ASIC2: variants seen among roughly 807,000 people sequenced by gnomAD.
ASIC2 encodes acid-sensing ion channel 2.
Under a neutral mutation model 57.3 loss-of-function variants are expected in ASIC2, and 25 were observed. The ratio of observed to expected loss-of-function variants is 0.44; its 90% CI spans 0.32 to 0.61. The LOEUF (loss-of-function observed/expected upper bound fraction) is 0.61, where lower values mean the gene tolerates loss of function less well. Ranked by LOEUF, ASIC2 falls within the 20% of genes least tolerant of loss-of-function variation. ASIC2 has a pLI of 0.06. For synonymous variants in ASIC2, 319 were observed against 307.5 expected (o/e 1.04, Z -0.39); for missense variants, 641 against 738.1 (o/e 0.87, Z 1.52).
intron 1 of ASIC2, among the ~76,000 whole-genome samples, chr17:33,466,585 A>T (rs1912872480): frequency 6.6e-6 from 1 of 152,332 alleles, no homozygotes; most frequent in East Asian, 1.9e-4. Context: ...ACACTACCTG[A>T]CTTGAAACTA....
intron 1 of ASIC2, among the ~76,000 whole-genome samples, chr17:33,837,581 T>C (rs1913310571): frequency 6.6e-6 from 1 of 152,214 alleles, no homozygotes; most frequent in East Asian, 1.9e-4. Context: ...ACACTCTCTT[T>C]CCTTTCTCCT....
chr17:33,543,352 C>T (rs1284128756), intron 1 of ASIC2, among the ~76,000 whole-genome samples: 4 of 152,204 alleles, frequency 2.6e-5, no homozygotes, highest in Admixed American at 6.5e-5. Flanking sequence ...AGTGCCCAGA[C>T]TCCCAAGTGT....
chr17:33,659,728 C>T (rs796294563), intron 1 of ASIC2, among the ~76,000 whole-genome samples: 9 of 151,796 alleles, frequency 5.9e-5, no homozygotes, highest in African/African-American at 1.4e-4. Context: ...AAAAATTAGC[C>T]GGGCGAGGTG....
At chr17:33,919,114 C>T (rs978796654) in intron 1 of ASIC2, among the ~76,000 whole-genome samples, 17 of 152,044 alleles carry the variant, frequency 1.1e-4, no homozygotes, top group African/African-American at 3.6e-4. Flanking sequence ...CTAGTGCAGG[C>T]GATGGAAGAG....
chr17:33,197,679 T>C (rs1399300338), intron 1 of ASIC2, among the ~76,000 whole-genome samples: 1 of 152,190 alleles, frequency 6.6e-6, no homozygotes, highest in East Asian at 1.9e-4. Context: ...TCCATGTGCA[T>C]GCACAAAAAC....
intron 1 of ASIC2, among the ~76,000 whole-genome samples, chr17:33,590,523 G>A (rs1243701567): frequency 6.6e-6 from 1 of 151,706 alleles, no homozygotes; most frequent in East Asian, 1.9e-4. Flanking sequence ...TTCAATGGCT[G>A]TGTCTCTACA....
chr17:34,151,317 C>A (rs938066454), intron 1 of ASIC2, among the ~76,000 whole-genome samples: 2 of 152,112 alleles, frequency 1.3e-5, no homozygotes, highest in African/African-American at 4.8e-5. Flanking sequence ...ATCACCTCAT[C>A]TGGAGGGGGT....
chr17:33,157,211 A>G (rs1272016341), intron 1 of ASIC2, among the ~76,000 whole-genome samples: 1 of 152,170 alleles, frequency 6.6e-6, no homozygotes, highest in Admixed American at 6.5e-5. Context: ...AGACACCCCC[A>G]GGGAAACCAA....
At chr17:33,231,274 C>T (rs1377214622) in intron 1 of ASIC2, among the ~76,000 whole-genome samples, 2 of 152,214 alleles carry the variant, frequency 1.3e-5, no homozygotes, top group African/African-American at 2.4e-5. Flanking sequence ...AAATGTATCT[C>T]CATGCCTCCC....
At chr17:33,541,513 C>T (rs1445432881) in intron 1 of ASIC2, among the ~76,000 whole-genome samples, 3 of 152,142 alleles carry the variant, frequency 2.0e-5, no homozygotes, top group African/African-American at 7.2e-5. Context: ...CTGGGGCGAA[C>T]GAGGTTCAGG....
chr17:33,091,769 T>A (rs946165323), intron 2 of ASIC2, among the ~76,000 whole-genome samples: 1 of 152,068 alleles, frequency 6.6e-6, no homozygotes, highest in Non-Finnish European at 1.5e-5. Context: ...TGGGAGCAGG[T>A]GATAGGTAAG....
chr17:33,622,889 T>C (rs1184778004), intron 1 of ASIC2, among the ~76,000 whole-genome samples: 3 of 152,218 alleles, frequency 2.0e-5, no homozygotes, highest in South Asian at 4.1e-4. Context: ...TTAACTCAGT[T>C]ATCAGTTTAA....
chr17:33,579,181 G>A (rs191053727), intron 1 of ASIC2, among the ~76,000 whole-genome samples: 181 of 151,832 alleles, frequency 1.2e-3, no homozygotes, highest in Non-Finnish European at 2.1e-3. Flanking sequence ...AGCTACTTGA[G>A]AGGCTGAGGC....
chr17:33,816,170 AG>A (rs35521850), intron 1 of ASIC2, among the ~76,000 whole-genome samples: 1 of 120,110 alleles, frequency 8.3e-6, no homozygotes. Flanking sequence ...CACCAACTGA[AG>A]GGGGGGCGGG....
rs1567718972 is a variant in ASIC2 at position 33,799,412 on chromosome 17, TTTC to T, written c.555+356563_555+356565del. ...TTTCTTTCTTTCTTTCTTTTCTTTC[TTTC>T]TTTCTTTCTTTCTTCTTTCTTTCTT... is the stretch of plus-strand genomic sequence containing the variant. On this transcript the variant is annotated intron_variant, in intron 1 of 9. Coordinates refer to the ASIC2 transcript ENST00000359872. Among the ~76,000 whole-genome samples the T allele has an allele frequency of 3.4e-3, 227 of 67,384 alleles. 1 individual carries two copies. Among genetic ancestry groups the T allele is most frequent in the African/African-American group, 0.012 (212 of 17,992 alleles). The allele number at this position is 67,384 out of a possible 152,430, so 44.2% of individuals were successfully genotyped here. A position where few individuals can be genotyped will look rare whatever the true frequency, so the allele number is the denominator to read the frequency against.
chr17:33,879,237 G>A (rs974509970), intron 1 of ASIC2, among the ~76,000 whole-genome samples: 8 of 152,124 alleles, frequency 5.3e-5, no homozygotes, highest in African/African-American at 1.9e-4. Flanking sequence ...ATGATGACAG[G>A]ATCAAATTCA....
At chr17:33,706,289 C>T (rs1004810540) in intron 1 of ASIC2, among the ~76,000 whole-genome samples, 1 of 151,422 alleles carries the variant, frequency 6.6e-6, no homozygotes, top group Non-Finnish European at 1.5e-5. Flanking sequence ...GTGGCACATT[C>T]TCAGCTCACA....
intron 1 of ASIC2, among the ~76,000 whole-genome samples, chr17:33,900,500 G>A (rs982611147): frequency 6.6e-6 from 1 of 152,038 alleles, no homozygotes; most frequent in Non-Finnish European, 1.5e-5. Context: ...ATTTATTACT[G>A]CCAGGGTGGG....
chr17:33,577,511 T>A (rs4795811), intron 1 of ASIC2, among the ~76,000 whole-genome samples: 79,299 of 151,850 alleles, frequency 0.52, 21,829 homozygotes, highest in African/African-American at 0.71. Flanking sequence ...CTAGACCCAG[T>A]GCTTCCCAAC....
Sources: gnomAD v4.1 joint callset for allele counts (sites outside exome capture counted in the v4.1 genomes callset) on GRCh38, gnomAD v4.1.1 for gene constraint, MANE v1.5 for transcripts, NCBI Gene and HGNC (gene_info 2026-07-23, HGNC 2026-07-21) for gene names.